Variants in WWOX observed in about 807,000 individuals in gnomAD.
WWOX encodes the protein WW domain-containing oxidoreductase.
Under a neutral mutation model 46.2 loss-of-function variants are expected in WWOX, and 69 were observed. That is an observed-to-expected ratio of 1.49 (90% CI 1.23 to 1.82). The LOEUF is 1.82. Ranked by LOEUF, WWOX falls within the 40% of genes most tolerant of loss-of-function variation. WWOX has a pLI of 0.00. For missense variants in WWOX, 919 were observed against 542.6 expected (o/e 1.69, Z -6.89); for synonymous variants, 359 against 202.6 (o/e 1.77, Z -6.56).
chr16:78,825,748 C>T lies in WWOX; in HGVS notation c.1057-385860C>T, dbSNP rs367607440. Reference sequence around the variant, plus strand: ...ATGAGTTTGTGGATGGCCTGATGATCCCCAGCGGAGACCATGTTAACTAGT... The same window carrying T: ...ATGAGTTTGTGGATGGCCTGATGATTCCCAGCGGAGACCATGTTAACTAGT... On this transcript the variant is annotated intron_variant, in intron 8 of 8. Transcript: ENST00000566780. 6 of 586,634 alleles carry T rather than the reference C, an allele frequency of 1.0e-5. No homozygotes were observed. The Admixed American group carries it at 1.3e-4, about 13-fold the overall frequency. 36.3% of individuals were successfully genotyped at this position (586,634 alleles called of 1,614,324 possible).
chr16:78,538,317 G>A (rs770671532), intron 8 of WWOX, among the ~76,000 whole-genome samples: 1 of 150,266 alleles, frequency 6.7e-6, no homozygotes, highest in African/African-American at 2.5e-5. Flanking sequence ...TGGAAGCTCA[G>A]ATAGCAATAT....
intron 8 of WWOX, among the ~76,000 whole-genome samples, chr16:79,102,107 C>T (rs1232593710): frequency 2.0e-5 from 3 of 148,502 alleles, no homozygotes; most frequent in Non-Finnish European, 3.0e-5. Flanking sequence ...TGGGCAGGTT[C>T]AGGGACTGAG....
intron 8 of WWOX, among the ~76,000 whole-genome samples, chr16:79,049,325 C>T (rs879687213): frequency 6.6e-5 from 10 of 152,194 alleles, no homozygotes; most frequent in East Asian, 1.9e-4. Flanking sequence ...AGCACGTGCC[C>T]GCTCTTTCAC....
chr16:78,880,951 G>C (rs2044330106), intron 8 of WWOX, among the ~76,000 whole-genome samples: 1 of 146,238 alleles, frequency 6.8e-6, no homozygotes. Context: ...TTCATTATGA[G>C]TCTATCTTTC....
intron 8 of WWOX, chr16:78,891,922 G>C (rs559623087): frequency 8.1e-4 from 123 of 152,278 alleles, no homozygotes; most frequent in African/African-American, 2.8e-3. Context: ...GTTTGCTTCA[G>C]TTCTTTGATA....
In WWOX at chr16:78,990,255, C is replaced by A. The variant is rs1430905005; in HGVS notation, c.1057-221353C>A. On this transcript the variant is annotated intron_variant, in intron 8 of 8. Transcript: ENST00000566780. Reference sequence around the variant, plus strand: ...GCATCTCAGATTAAGGGCCTCCATTCCCCCCATGCTTTGTAATTGCTGCCT... The same window carrying A: ...GCATCTCAGATTAAGGGCCTCCATTACCCCCATGCTTTGTAATTGCTGCCT... Among the ~76,000 whole-genome samples the A allele has an allele frequency of 1.3e-5, 2 of 151,584 alleles. 1 individual carries two copies. The highest frequency in any genetic ancestry group is 3.9e-4 in the East Asian group (2 of 5,126).
chr16:78,635,779 A>T (rs548399508), intron 8 of WWOX, among the ~76,000 whole-genome samples: 1 of 152,258 alleles, frequency 6.6e-6, no homozygotes, highest in East Asian at 1.9e-4. Context: ...CTTGAGCTGG[A>T]TGTCCATGTT....
chr16:79,000,605 A>G (rs1021058385), intron 8 of WWOX, among the ~76,000 whole-genome samples: 3 of 152,216 alleles, frequency 2.0e-5, no homozygotes, highest in Admixed American at 6.5e-5. Flanking sequence ...AGAAGAGGCA[A>G]GGAAAGAGAT....
At chr16:78,260,666 T>TAA (rs35094943) in intron 5 of WWOX, among the ~76,000 whole-genome samples, 2 of 143,416 alleles carry the variant, frequency 1.4e-5, no homozygotes, top group African/African-American at 5.2e-5. Context: ...ATACTCCATC[T>TAA]AAAAAAAAAA....
intron 8 of WWOX, among the ~76,000 whole-genome samples, chr16:78,773,561 G>GTTACTATTCTT (rs1567550263): frequency 3.3e-5 from 5 of 152,154 alleles, no homozygotes; most frequent in Non-Finnish European, 7.3e-5. Context: ...TTAGACTAGT[G>GTTACTATTCTT]GGGCTCTCAC....
chr16:79,089,507 T>C lies in WWOX; in HGVS notation c.1057-122101T>C, dbSNP rs147359947. On this transcript the variant is annotated intron_variant, in intron 8 of 8. Coordinates refer to ENST00000566780, the MANE Select transcript of WWOX (RefSeq NM_016373.4). ...CCACCACGCCTGGCTAATTTTTGTA[T>C]TTTTAATACAGACAGGGTTTCTCCA... Among the ~76,000 whole-genome samples, 74 of 152,198 alleles carry C rather than the reference T, an allele frequency of 4.9e-4. 1 individual carries two copies. In the East Asian group the frequency reaches 0.013, roughly 27 times the overall value.
At chr16:78,809,460 G>C (rs2051132440) in intron 8 of WWOX, among the ~76,000 whole-genome samples, 1 of 152,008 alleles carries the variant, frequency 6.6e-6, no homozygotes, top group South Asian at 2.1e-4. Flanking sequence ...TAATTTTCAG[G>C]TTAATATTAA....
At chr16:78,309,187 C>G (rs1356264593) in intron 5 of WWOX, among the ~76,000 whole-genome samples, 1 of 152,158 alleles carries the variant, frequency 6.6e-6, no homozygotes, top group Non-Finnish European at 1.5e-5. Context: ...AGGGAGAGAC[C>G]AGGTGGATGT....
At chr16:78,317,605 A>G (rs2080381564) in intron 5 of WWOX, among the ~76,000 whole-genome samples, 2 of 152,096 alleles carry the variant, frequency 1.3e-5, no homozygotes, top group South Asian at 2.1e-4. Context: ...GTGTGTGTGC[A>G]CACACTTGCG....
intron 8 of WWOX, among the ~76,000 whole-genome samples, chr16:78,814,592 A>G (rs990740934): frequency 3.9e-5 from 6 of 152,256 alleles, no homozygotes; most frequent in African/African-American, 9.6e-5. Context: ...AACCTATCCA[A>G]TTTCAAGATG....
At chr16:79,018,488 C>A (rs1010562470) in intron 8 of WWOX, among the ~76,000 whole-genome samples, 1 of 152,134 alleles carries the variant, frequency 6.6e-6, no homozygotes, top group African/African-American at 2.4e-5. Flanking sequence ...TCTGTGTCTA[C>A]ACAGACCCAA....
chr16:78,383,412 G>A (rs1597138107), intron 5 of WWOX, among the ~76,000 whole-genome samples: 1 of 152,146 alleles, frequency 6.6e-6, no homozygotes, highest in African/African-American at 2.4e-5. Context: ...ACAACCAGAA[G>A]ATCATGAGCT....
intron 5 of WWOX, among the ~76,000 whole-genome samples, chr16:78,229,985 T>A (rs1772578274): frequency 3.9e-5 from 6 of 152,136 alleles, no homozygotes. Flanking sequence ...GCTCAAGCGA[T>A]CCTTCTGCAA....
intron 8 of WWOX, among the ~76,000 whole-genome samples, chr16:78,748,020 G>A (rs1008532259): frequency 6.6e-6 from 1 of 152,186 alleles, no homozygotes; most frequent in Non-Finnish European, 1.5e-5. Flanking sequence ...GCGCCGAAGA[G>A]TATTGAACTT....
Sources: gnomAD v4.1 joint callset for allele counts (sites outside exome capture counted in the v4.1 genomes callset) on GRCh38, gnomAD v4.1.1 for gene constraint, MANE v1.5 for transcripts, NCBI Gene and HGNC (gene_info 2026-07-23, HGNC 2026-07-21) for gene names.